The following ATG4C variants were observed in gnomAD, a reference collection of about 807,000 sequenced individuals.
The protein encoded by ATG4C is autophagy related 4C cysteine peptidase, also known as cysteine protease ATG4C.
ATG4C carries 56 observed loss-of-function variants against 57.6 expected under a neutral mutation model. That is an observed-to-expected ratio of 0.97 (90% CI 0.78 to 1.21). ATG4C has a LOEUF of 1.21. Among genes scored for constraint, ATG4C ranks in the 50% most tolerant of loss-of-function variants. ATG4C has a pLI of 0.00. For missense variants in ATG4C, 595 were observed against 529.8 expected (o/e 1.12, Z -1.21); for synonymous variants, 157 against 174.1 (o/e 0.90, Z 0.78).
At chr1:62,792,557 C>A (rs910918969) in intron 1 of ATG4C, among the ~76,000 whole-genome samples, 3 of 152,124 alleles carry the variant, frequency 2.0e-5, no homozygotes, top group Non-Finnish European at 4.4e-5. Flanking sequence ...ATCATTTTAG[C>A]AAATCTAGTT....
At chr1:62,822,920 C>G (rs182276841) in intron 6 of ATG4C, among the ~76,000 whole-genome samples, 18 of 152,196 alleles carry the variant, frequency 1.2e-4, no homozygotes, top group Non-Finnish European at 2.4e-4. Flanking sequence ...TTTGACAGGC[C>G]GAGGTCGGGG....
At position 62,803,708 on chromosome 1, in the gene ATG4C, A is replaced by T; in HGVS notation, c.-68-11A>T. On this transcript the variant is annotated splice_polypyrimidine_tract_variant and intron_variant, in intron 1 of 10. Coordinates refer to ENST00000317868, the MANE Select transcript of ATG4C (RefSeq NM_032852.4). ...GTAGTAATTACTGATTTTTTTCCTT[A>T]ATTTTTAAAGTCAGTATAAAAGATT... The T allele has an allele frequency of 3.0e-6, 3 of 985,420 alleles. No homozygotes were observed. Among genetic ancestry groups the T allele is most frequent in the South Asian group, 1.8e-5 (1 of 56,986 alleles). 61.0% of individuals were successfully genotyped at this position (985,420 alleles called of 1,614,324 possible). A position where few individuals can be genotyped will look rare whatever the true frequency, so the allele number is the denominator to read the frequency against.
At chr1:62,789,310 T>C (rs1664192943) in intron 1 of ATG4C, among the ~76,000 whole-genome samples, 1 of 152,248 alleles carries the variant, frequency 6.6e-6, no homozygotes, top group Non-Finnish European at 1.5e-5. Flanking sequence ...CTTTTGGTGA[T>C]GAAATTATCT....
chr1:62,805,827 A>G (rs1336721207), intron 3 of ATG4C, among the ~76,000 whole-genome samples: 1 of 152,164 alleles, frequency 6.6e-6, no homozygotes, highest in Non-Finnish European at 1.5e-5. Flanking sequence ...TGAGAAGTTA[A>G]ATAATTTGTC....
chr1:62,826,426 C>T (rs1465928044), intron 6 of ATG4C, among the ~76,000 whole-genome samples: 5 of 150,524 alleles, frequency 3.3e-5, no homozygotes, highest in African/African-American at 4.9e-5. Context: ...TTAGTAGAGA[C>T]GGGGTTTCAC....
intron 6 of ATG4C, 48 bp from the exon 7 acceptor site, chr1:62,828,992 A>AATCGCT (rs1473389385): frequency 6.6e-7 from 1 of 1,520,682 alleles, no homozygotes; most frequent in African/African-American, 1.4e-5. Context: ...TATTTCTGAA[A>AATCGCT]ATCGCTTTTA....
At chr1:62,859,364 T>G (rs1666779676) in intron 10 of ATG4C, among the ~76,000 whole-genome samples, 1 of 152,220 alleles carries the variant, frequency 6.6e-6, no homozygotes, top group Non-Finnish European at 1.5e-5. Flanking sequence ...ACTACAAATC[T>G]GTACAGCATG....
At chr1:62,823,743 C>A (rs1266011299) in intron 6 of ATG4C, among the ~76,000 whole-genome samples, 1 of 152,160 alleles carries the variant, frequency 6.6e-6, no homozygotes, top group Non-Finnish European at 1.5e-5. Context: ...TCAGGCCATT[C>A]CTTAGACATG....
chr1:62,829,287 G>C, intron 7 of ATG4C, 111 bp downstream of exon 7: 1 of 1,225,084 alleles, frequency 8.2e-7, no homozygotes, highest in Non-Finnish European at 1.1e-6. Context: ...GTAGTTGTAC[G>C]TTGTACGTTG....
rs200518178 is a variant in ATG4C, at chr1:62,797,828, C to CT, written c.-68-5882dup. On this transcript the variant is annotated intron_variant, in intron 1 of 10. Coordinates refer to ENST00000317868, the MANE Select transcript of ATG4C (RefSeq NM_032852.4). ...TATACCATGCTTAGAAAAACCTTTT[C>CT]TTTTTTTTTGAGATAGAATCTTGCT... Among the ~76,000 whole-genome samples the CT allele has an allele frequency of 1.0e-3, 158 of 151,328 alleles. No individual in the cohort carries two copies. In the East Asian group the frequency reaches 0.011, roughly 11 times the overall value.
intron 5 of ATG4C, among the ~76,000 whole-genome samples, chr1:62,819,765 A>G (rs1665423696): frequency 6.6e-6 from 1 of 152,032 alleles, no homozygotes; most frequent in African/African-American, 2.4e-5. Context: ...TGCACACATC[A>G]AATTCTTGTG....
At chr1:62,825,112 T>A (rs1226650789) in intron 6 of ATG4C, among the ~76,000 whole-genome samples, 2 of 152,016 alleles carry the variant, frequency 1.3e-5, no homozygotes, top group African/African-American at 4.8e-5. Flanking sequence ...GGCAGGTATC[T>A]GTAGTCCCAG....
chr1:62,841,346 A>G (rs1666159463), intron 9 of ATG4C, 82 bp from the exon 10 acceptor site: 11 of 1,208,956 alleles, frequency 9.1e-6, no homozygotes, highest in Non-Finnish European at 1.3e-5. Flanking sequence ...GGAAAAAGCT[A>G]GATAGAAAAT....
chr1:62,857,353 T>G (rs1666717489), intron 10 of ATG4C, among the ~76,000 whole-genome samples: 1 of 152,176 alleles, frequency 6.6e-6, no homozygotes, highest in African/African-American at 2.4e-5. Context: ...CTAGGTTGCA[T>G]GCTCCTTATG....
chr1:62,796,029 C>T (rs1249899963), intron 1 of ATG4C, among the ~76,000 whole-genome samples: 4 of 152,000 alleles, frequency 2.6e-5, no homozygotes, highest in African/African-American at 9.7e-5. Context: ...GCAGTGAAAC[C>T]AGGCATTTTA....
intron 10 of ATG4C, among the ~76,000 whole-genome samples, chr1:62,854,085 A>G (rs1199955794): frequency 6.6e-6 from 1 of 151,424 alleles, no homozygotes; most frequent in African/African-American, 2.4e-5. Flanking sequence ...TATTTTTTCT[A>G]TTCCTTTTTC....
At position 62,819,014 on chromosome 1, in the gene ATG4C, G is replaced by T; in HGVS notation, c.404G>T (p.Trp135Leu). 6.4e-7 allele frequency: 1 copy of T among 1,560,336 alleles called. No individual in the cohort carries two copies. Among genetic ancestry groups the T allele is most frequent in the South Asian group, 1.3e-5 (1 of 79,936 alleles). ...ILHFLGRAWTWPDALNIENSD... is the reference protein window; with the variant it reads ...ILHFLGRAWTLPDALNIENSD... ...TTTGGAACTACTATAGCTTGGACCT[G>T]GCCTGATGCTTTGAATATTGAAAAT... The change falls in exon 5 of 11, where the codon TGG becomes TTG. Residue 135 changes from tryptophan to leucine, a missense_variant. Trp to Leu is a moderately conservative substitution (Grantham distance 61). Coordinates refer to ENST00000317868, the MANE Select transcript of ATG4C (RefSeq NM_032852.4).
chr1:62,835,239 G>A (rs532833239), intron 9 of ATG4C: 2 of 207,982 alleles, frequency 9.6e-6, no homozygotes, highest in South Asian at 7.1e-5. Flanking sequence ...GTAACAAAGC[G>A]ACTTAATGCG....
chr1:62,813,072 A>G (rs1665140663), intron 3 of ATG4C, among the ~76,000 whole-genome samples: 1 of 152,216 alleles, frequency 6.6e-6, no homozygotes, highest in Non-Finnish European at 1.5e-5. Context: ...ATTCAATGCT[A>G]TCCCCATCAA....
Sources: allele counts gnomAD v4.1 joint callset (sites outside exome capture counted in the v4.1 genomes callset), GRCh38; gene constraint gnomAD v4.1.1; transcripts MANE v1.5; gene names NCBI Gene and HGNC (gene_info 2026-07-23, HGNC 2026-07-21).